The following ANKS1B variants were observed in gnomAD, a reference collection of about 807,000 sequenced individuals.
ANKS1B encodes the protein ankyrin repeat and sterile alpha motif domain-containing protein 1B.
A neutral mutation model predicts 148.3 loss-of-function variants in ANKS1B; 36 were observed. The ratio of observed to expected loss-of-function variants is 0.24; its 90% CI spans 0.19 to 0.32. The LOEUF is 0.32. ANKS1B is among the 10% of genes least tolerant of loss of function. The pLI is 1.00. For synonymous variants in ANKS1B, 542 were observed against 560.8 expected, an observed-to-expected ratio of 0.97 and a Z score of 0.47; for missense variants, 1,157 against 1,542.6, an observed-to-expected ratio of 0.75 and a Z score of 4.19.
chr12:99,530,819 C>G (rs2153088688), intron 9 of ANKS1B, among the ~76,000 whole-genome samples: 1 of 152,258 alleles, frequency 6.6e-6, no homozygotes, highest in Admixed American at 6.5e-5. Flanking sequence ...ATAGTACTGT[C>G]AGAGGACAAT....
intron 12 of ANKS1B, among the ~76,000 whole-genome samples, chr12:99,311,988 A>G (rs888174272): frequency 1.7e-4 from 26 of 152,188 alleles, no homozygotes; most frequent in African/African-American, 4.3e-4. Flanking sequence ...TGAAAAAAGT[A>G]TGATAGCGAG....
chr12:99,255,807 T>C (rs1404725573), intron 12 of ANKS1B, among the ~76,000 whole-genome samples: 2 of 152,180 alleles, frequency 1.3e-5, no homozygotes, highest in Non-Finnish European at 2.9e-5. Context: ...AATTGAATTA[T>C]TTTTAGAAAA....
chr12:99,970,547 T>C (rs1566111352), intron 1 of ANKS1B, among the ~76,000 whole-genome samples: 2 of 147,230 alleles, frequency 1.4e-5, no homozygotes, highest in African/African-American at 5.0e-5. Context: ...AAAAAACACA[T>C]TGGATCCTCA....
intron 14 of ANKS1B, among the ~76,000 whole-genome samples, chr12:99,240,428 C>T (rs909189820): frequency 4.6e-5 from 7 of 152,038 alleles, no homozygotes; most frequent in Non-Finnish European, 7.4e-5. Flanking sequence ...CCTTAGAGAC[C>T]GACAAAGAGA....
intron 12 of ANKS1B, among the ~76,000 whole-genome samples, chr12:99,395,189 T>A (rs1216591515): frequency 6.6e-6 from 1 of 152,142 alleles, no homozygotes; most frequent in Non-Finnish European, 1.5e-5. Context: ...CTTTCCTGCA[T>A]CCACCCTTGT....
chr12:99,059,804 T>TATATATATATGA (rs1166735066), intron 16 of ANKS1B, among the ~76,000 whole-genome samples: 1 of 146,722 alleles, frequency 6.8e-6, no homozygotes, highest in Non-Finnish European at 1.5e-5. Flanking sequence ...TATATATATA[T>TATATATATATGA]ATGATAGGAC....
chr12:99,217,457 C>G (rs916235251), intron 14 of ANKS1B, among the ~76,000 whole-genome samples: 1 of 152,084 alleles, frequency 6.6e-6, no homozygotes, highest in East Asian at 1.9e-4. Context: ...ATTCTGACTG[C>G]CTGGATGTTC....
At chr12:99,949,345 G>A (rs1603483321) in intron 1 of ANKS1B, among the ~76,000 whole-genome samples, 1 of 152,120 alleles carries the variant, frequency 6.6e-6, no homozygotes, top group East Asian at 1.9e-4. Context: ...TGGCAAAGAA[G>A]GAGAACATTT....
At chr12:99,699,712 C>T (rs138819601) in intron 8 of ANKS1B, among the ~76,000 whole-genome samples, 47 of 152,208 alleles carry the variant, frequency 3.1e-4, no homozygotes, top group African/African-American at 1.1e-3. Flanking sequence ...AGTGTATATT[C>T]ATCAATGCAA....
intron 12 of ANKS1B, among the ~76,000 whole-genome samples, chr12:99,395,350 G>C (rs1405409266): frequency 6.6e-6 from 1 of 152,094 alleles, no homozygotes; most frequent in East Asian, 1.9e-4. Context: ...GCTTATTAGG[G>C]CCTTACATAA....
At chr12:98,896,308 G>T (rs2099764512) in intron 17 of ANKS1B, among the ~76,000 whole-genome samples, 1 of 152,268 alleles carries the variant, frequency 6.6e-6, no homozygotes, top group Admixed American at 6.5e-5. Context: ...CTCTAAAATA[G>T]AAATATGAAT....
chr12:99,105,679 G>T (rs557577383), intron 15 of ANKS1B, among the ~76,000 whole-genome samples: 112 of 145,200 alleles, frequency 7.7e-4, no homozygotes, highest in African/African-American at 2.8e-3. Context: ...TGAGGCAGGA[G>T]AATAGCGTGA....
intron 8 of ANKS1B, among the ~76,000 whole-genome samples, chr12:99,730,161 A>T (rs1175814444): frequency 1.3e-5 from 2 of 152,232 alleles, no homozygotes; most frequent in Non-Finnish European, 2.9e-5. Flanking sequence ...AAATTGTTCT[A>T]TAGACTAATC....
chr12:99,465,405 T>A (rs1337480765), intron 10 of ANKS1B, among the ~76,000 whole-genome samples: 1 of 152,178 alleles, frequency 6.6e-6, no homozygotes, highest in African/African-American at 2.4e-5. Flanking sequence ...AATAACCAGC[T>A]AACATCATAA....
chr12:99,743,226 CT>C (rs2060285068), intron 8 of ANKS1B, among the ~76,000 whole-genome samples: 1 of 152,020 alleles, frequency 6.6e-6, no homozygotes, highest in South Asian at 2.1e-4. Context: ...TAGGGAAAGA[CT>C]TTTGTCTCAA....
chr12:98,836,317 G>C (rs572770072), intron 17 of ANKS1B, among the ~76,000 whole-genome samples: 3 of 152,194 alleles, frequency 2.0e-5, no homozygotes, highest in Admixed American at 6.5e-5. Context: ...AAAGCTACAG[G>C]CTACAAGGGC....
At chr12:99,939,073 A>G (rs2153814564) in intron 1 of ANKS1B, among the ~76,000 whole-genome samples, 1 of 152,238 alleles carries the variant, frequency 6.6e-6, no homozygotes, top group South Asian at 2.1e-4. Flanking sequence ...GTAGGCTTAT[A>G]TATCATCTGA....
intron 25 of ANKS1B, among the ~76,000 whole-genome samples, chr12:98,761,141 GA>G (rs1242674437): frequency 1.3e-5 from 2 of 152,222 alleles, no homozygotes; most frequent in Non-Finnish European, 2.9e-5. Flanking sequence ...TTCAAGTGCA[GA>G]TCTGACTTCA....
At chr12:99,653,184 A>ATCAAT (rs2098432988) in intron 9 of ANKS1B, among the ~76,000 whole-genome samples, 1 of 152,194 alleles carries the variant, frequency 6.6e-6, no homozygotes, top group Non-Finnish European at 1.5e-5. Context: ...CCAAGCCTAA[A>ATCAAT]AAATAATAAA....
Sources: allele counts gnomAD v4.1 joint callset (sites outside exome capture counted in the v4.1 genomes callset), GRCh38; gene constraint gnomAD v4.1.1; transcripts MANE v1.5; gene names NCBI Gene and HGNC (gene_info 2026-07-23, HGNC 2026-07-21).